Variants in KIRREL3 observed in about 807,000 individuals in gnomAD.
KIRREL3 encodes the protein kirre like nephrin family adhesion molecule 3, also known as kin of IRRE-like protein 3.
KIRREL3 carries 36 observed loss-of-function variants against 89.7 expected under a neutral mutation model. That is an observed-to-expected ratio of 0.40 (90% CI 0.31 to 0.53). The LOEUF (loss-of-function observed/expected upper bound fraction) is 0.53, where lower values mean the gene tolerates loss of function less well. KIRREL3 is among the 20% of genes least tolerant of loss of function. The probability of loss-of-function intolerance (pLI) is 0.49; values close to 1 mark genes in which losing one functional copy is unlikely to be tolerated. For missense variants in KIRREL3, 864 were observed against 1,056.6 expected, an observed-to-expected ratio of 0.82 and a Z score of 2.53; for synonymous variants, 445 against 441.4, an observed-to-expected ratio of 1.01 and a Z score of -0.10.
chr11:126,646,102 T>C (rs963260710), intron 1 of KIRREL3, among the ~76,000 whole-genome samples: 21 of 152,154 alleles, frequency 1.4e-4, no homozygotes, highest in Admixed American at 6.5e-5. Flanking sequence ...AGCCGGCAGC[T>C]AATTAACCCA....
At chr11:126,589,121 C>T (rs759734278) in intron 1 of KIRREL3, among the ~76,000 whole-genome samples, 3 of 152,226 alleles carry the variant, frequency 2.0e-5, no homozygotes, top group Non-Finnish European at 4.4e-5. Context: ...TTACTGCTGC[C>T]CTGGAGCCGC....
Position 126,729,701 on chromosome 11 carries a change from C to T in KIRREL3, c.56-166789G>A, listed in dbSNP as rs1003165913. ...GTAGATACTCATGGGGCCCCGGGCA[C>T]TCCACTGGACAGGTGAAAAGCTCAC... On this transcript the variant is annotated intron_variant, in intron 1 of 16. Coordinates refer to ENST00000525144, the MANE Select transcript of KIRREL3 (RefSeq NM_032531.4). This position sits in a 1 kb window ranked among gnomAD's most constrained non-coding sequence, Gnocchi z 4.5. 2.0e-5 allele frequency among the ~76,000 whole-genome samples: 3 copies of T among 152,180 alleles called. No homozygotes were observed. The highest frequency in any genetic ancestry group is 4.4e-5 in the Non-Finnish European group (3 of 68,042).
At chr11:126,937,625 GC>G (rs1377794520) in intron 1 of KIRREL3, among the ~76,000 whole-genome samples, 1 of 152,224 alleles carries the variant, frequency 6.6e-6, no homozygotes, top group East Asian at 1.9e-4. Context: ...AGTTGGCCGG[GC>G]GTGGTGGCTC....
intron 1 of KIRREL3, among the ~76,000 whole-genome samples, chr11:126,646,601 A>G (rs1255805471): frequency 6.6e-6 from 1 of 151,042 alleles, no homozygotes; most frequent in Non-Finnish European, 1.5e-5. Context: ...CAGCCTCCTG[A>G]GTAGCTGGGA....
intron 1 of KIRREL3, among the ~76,000 whole-genome samples, chr11:126,863,137 C>A (rs1296589079): frequency 1.3e-5 from 2 of 152,224 alleles, no homozygotes; most frequent in East Asian, 3.8e-4. Flanking sequence ...CTGCTTCCCC[C>A]ACATGAAAGT....
intron 1 of KIRREL3, among the ~76,000 whole-genome samples, chr11:126,700,418 G>T (rs1027525197): frequency 1.3e-5 from 2 of 152,308 alleles, no homozygotes; most frequent in East Asian, 3.9e-4. Flanking sequence ...GAACAGGACC[G>T]GAAAACGATG....
intron 11 of KIRREL3, among the ~76,000 whole-genome samples, chr11:126,439,962 G>A (rs1190151147): frequency 6.6e-6 from 1 of 152,060 alleles, no homozygotes; most frequent in Non-Finnish European, 1.5e-5. Flanking sequence ...GAGAGAGAAT[G>A]GAATGGTCAC....
chr11:126,448,481 G>A (rs372385038), intron 8 of KIRREL3, among the ~76,000 whole-genome samples: 53 of 152,154 alleles, frequency 3.5e-4, no homozygotes, highest in African/African-American at 1.3e-3. Flanking sequence ...ACCCATGATG[G>A]CCTGCGTGCT....
At position 126,608,846 on chromosome 11, in the gene KIRREL3, G is replaced by A. The variant is rs1943001474; in HGVS notation, c.56-45934C>T. 6.6e-6 allele frequency among the ~76,000 whole-genome samples: 1 copy of A among 152,186 alleles called. No homozygotes were observed. Among genetic ancestry groups the A allele is most frequent in the Admixed American group, 6.5e-5 (1 of 15,282 alleles). On this transcript the variant is annotated intron_variant, in intron 1 of 16. Transcript: ENST00000525144. This position sits in a 1 kb window ranked among gnomAD's most constrained non-coding sequence, Gnocchi z 4.9. ...CTTCTGGAGTGGAGATGGGCAATGG[G>A]GATGCCTGATGAGACCTATGTCCAG... is the stretch of plus-strand genomic sequence containing the variant.
At chr11:126,433,286 G>C (rs773643562) in intron 13 of KIRREL3, among the ~76,000 whole-genome samples, 16 of 152,338 alleles carry the variant, frequency 1.1e-4, no homozygotes, top group Admixed American at 3.3e-4. Flanking sequence ...CTAGGTATCA[G>C]TTCTGGGTTG....
intron 1 of KIRREL3, among the ~76,000 whole-genome samples, chr11:126,882,125 C>T (rs1945528228): frequency 6.6e-6 from 1 of 152,120 alleles, no homozygotes; most frequent in Non-Finnish European, 1.5e-5. Flanking sequence ...GTCCTGGAAA[C>T]TTTGTTCACC....
In KIRREL3 at chr11:126,545,037, A is replaced by G. The variant is rs78001913; in HGVS notation, c.133+17798T>C. On this transcript the variant is annotated intron_variant, in intron 2 of 16. Transcript: ENST00000525144. ...TGCCTGCAGTAATTATTTGGATCAA[A>G]TGCAGTTTATCTGCTTCATATTTGT... Among the ~76,000 whole-genome samples the G allele has an allele frequency of 8.1e-3, 1,231 of 152,358 alleles. 11 individuals are homozygous for G. Among genetic ancestry groups the G allele is most frequent in the Non-Finnish European group, 0.014 (957 of 68,032 alleles).
Position 126,555,583 on chromosome 11 carries a change from G to T in KIRREL3, c.133+7252C>A, listed in dbSNP as rs1363603281. Reference sequence around the variant, plus strand: ...GCGTGGCAAGCAGGGTAGACACAGGGAGCAGGGTAGACACAGGCCCTATGA... The same window carrying T: ...GCGTGGCAAGCAGGGTAGACACAGGTAGCAGGGTAGACACAGGCCCTATGA... On this transcript the variant is annotated intron_variant, in intron 2 of 16. Transcript: ENST00000525144. This position sits in a 1 kb window ranked among gnomAD's most constrained non-coding sequence, Gnocchi z 4.2. Among the ~76,000 whole-genome samples the T allele has an allele frequency of 2.6e-5, 4 of 152,062 alleles. No homozygotes were observed. Among genetic ancestry groups the T allele is most frequent in the Admixed American group, 2.6e-4 (4 of 15,276 alleles).
chr11:126,481,139 A>G (rs1228574768), intron 4 of KIRREL3, among the ~76,000 whole-genome samples: 2 of 152,204 alleles, frequency 1.3e-5, no homozygotes, highest in African/African-American at 4.8e-5. Context: ...GAATACACAA[A>G]TACATACATA....
At position 126,608,466 on chromosome 11, in the gene KIRREL3, C is replaced by T. The variant is rs1942982154; in HGVS notation, c.56-45554G>A. On this transcript the variant is annotated intron_variant, in intron 1 of 16. Coordinates refer to ENST00000525144, the MANE Select transcript of KIRREL3 (RefSeq NM_032531.4). This position sits in a 1 kb window ranked among gnomAD's most constrained non-coding sequence, Gnocchi z 4.9. ...AGGTTTAGCCCCTGGTGCCCTTCCT[C>T]TGTCTGTGGGAGGTGCGCGTCTGGC... is the stretch of plus-strand genomic sequence containing the variant. 1.0e-5 allele frequency among the ~76,000 whole-genome samples: 1 copy of T among 98,930 alleles called. No homozygotes were observed. The highest frequency in any genetic ancestry group is 2.9e-5 in the Non-Finnish European group (1 of 34,870). The allele number at this position is 98,930 out of a possible 152,430, so 64.9% of individuals were successfully genotyped here.
chr11:126,552,662 G>A lies in KIRREL3; in HGVS notation c.133+10173C>T, dbSNP rs1939378909. ...CTGAACCTCTGCCTCCCGGGTTCAA[G>A]TGATTCTCCTGCCTCAGCCTCCTGA... is the stretch of plus-strand genomic sequence containing the variant. On this transcript the variant is annotated intron_variant, in intron 2 of 16. Coordinates refer to ENST00000525144, the MANE Select transcript of KIRREL3 (RefSeq NM_032531.4). 2.2e-5 allele frequency among the ~76,000 whole-genome samples: 3 copies of A among 138,048 alleles called. No homozygotes were observed. In the South Asian group the frequency reaches 7.0e-4, roughly 32 times the overall value. The allele number at this position is 138,048 out of a possible 152,430, so 90.6% of individuals were successfully genotyped here.
At position 126,755,106 on chromosome 11, in the gene KIRREL3, C is replaced by T. The variant is rs1210176946; in HGVS notation, c.56-192194G>A. 2.6e-5 allele frequency among the ~76,000 whole-genome samples: 4 copies of T among 152,150 alleles called. No homozygotes were observed. The highest frequency in any genetic ancestry group is 2.9e-5 in the Non-Finnish European group (2 of 68,034). ...CTTTAATCTCCAGCACTTTAGTAAC[C>T]TCCTAGTTTGTTTTAAATCTTGATT... On this transcript the variant is annotated intron_variant, in intron 1 of 16. Coordinates refer to ENST00000525144, the MANE Select transcript of KIRREL3 (RefSeq NM_032531.4). This position sits in a 1 kb window ranked among gnomAD's most constrained non-coding sequence, Gnocchi z 4.3.
chr11:126,793,950 G>A (rs556434279), intron 1 of KIRREL3, among the ~76,000 whole-genome samples: 5 of 152,308 alleles, frequency 3.3e-5, no homozygotes, highest in South Asian at 2.1e-4. Flanking sequence ...TTATATAACG[G>A]CCTGAAAGGG....
At position 126,609,390 on chromosome 11, in the gene KIRREL3, A is replaced by T. The variant is rs1180116031; in HGVS notation, c.56-46478T>A. Among the ~76,000 whole-genome samples the T allele has an allele frequency of 3.3e-5, 5 of 152,136 alleles. No individual in the cohort carries two copies. Among genetic ancestry groups the T allele is most frequent in the Non-Finnish European group, 7.4e-5 (5 of 68,024 alleles). ...TTATGATTTCCTTTCGTCTCTCCTG[A>T]GTATGACAACTGTGGTTAAGCAACC... is the stretch of plus-strand genomic sequence containing the variant. On this transcript the variant is annotated intron_variant, in intron 1 of 16. Transcript: ENST00000525144. The surrounding 1 kb of genome is among the most constrained non-coding windows in gnomAD (Gnocchi z 5.0).
Sources: allele counts gnomAD v4.1 joint callset (sites outside exome capture counted in the v4.1 genomes callset), GRCh38; gene constraint gnomAD v4.1.1; non-coding constraint Gnocchi (gnomAD v3.1); transcripts MANE v1.5; gene names NCBI Gene and HGNC (gene_info 2026-07-23, HGNC 2026-07-21).